DCDC2C: variants seen among roughly 807,000 people sequenced by gnomAD.
DCDC2C encodes doublecortin domain-containing protein 2C.
In DCDC2C, 44 loss-of-function variants were observed where a neutral mutation model predicts 45.0. That is an observed-to-expected ratio of 0.98 (90% CI 0.77 to 1.26). The LOEUF is 1.26. Ranked by LOEUF, DCDC2C falls within the 50% of genes most tolerant of loss-of-function variation. The probability of loss-of-function intolerance (pLI) is 0.00; values close to 1 mark genes in which losing one functional copy is unlikely to be tolerated. For synonymous variants in DCDC2C, 187 were observed against 178.8 expected (o/e 1.05, Z -0.37); for missense variants, 447 against 468.9 (o/e 0.95, Z 0.43).
At chr2:3,732,486 T>A (rs757420662) in intron 3 of DCDC2C, among the ~76,000 whole-genome samples, 9 of 152,160 alleles carry the variant, frequency 5.9e-5, no homozygotes, top group Non-Finnish European at 1.0e-4. Context: ...ACCTTGTAAT[T>A]TGACAGCAAT....
rs1004536359 is a variant in DCDC2C at position 3,752,898 on chromosome 2, A to G, written c.681A>G (p.Gln227=). 9 of 1,550,334 alleles carry G rather than the reference A, an allele frequency of 5.8e-6. No homozygotes were observed. The Admixed American group carries it at 7.8e-5, about 14-fold the overall frequency. ...WKSPRVPSEV[Q]QRYANVEKNS... ...CTCCAAGGGTGCCCAGTGAGGTCCA[A>G]CAGTGAGCATGCTTCGTACCTTTCT... Residue 227 remains glutamine (Q), a splice_region_variant and synonymous_variant, in exon 5 of 11, where the codon CAA becomes CAG. Coordinates refer to ENST00000399143, the MANE Select transcript of DCDC2C (RefSeq NM_001287444.2).
intron 3 of DCDC2C, among the ~76,000 whole-genome samples, chr2:3,740,339 T>A (rs1015728942): frequency 6.6e-6 from 1 of 152,240 alleles, no homozygotes; most frequent in African/African-American, 2.4e-5. Context: ...GTGGGATGAC[T>A]GGGTTAGTGG....
intron 10 of DCDC2C, among the ~76,000 whole-genome samples, chr2:3,817,091 A>T: frequency 6.6e-6 from 1 of 152,322 alleles, no homozygotes; most frequent in African/African-American, 2.4e-5. Flanking sequence ...GTGGGGAAGC[A>T]GGTGGGAGTG....
chr2:3,754,691 C>T, intron 6 of DCDC2C, 57 bp downstream of exon 6: 4 of 1,469,612 alleles, frequency 2.7e-6, no homozygotes, highest in Non-Finnish European at 3.7e-6. Context: ...CGTCTTCTGG[C>T]ATTAACAAGG....
intron 10 of DCDC2C, among the ~76,000 whole-genome samples, chr2:3,791,704 A>C (rs1670815370): frequency 6.6e-6 from 1 of 152,130 alleles, no homozygotes; most frequent in African/African-American, 2.4e-5. Flanking sequence ...ACACCTCTCC[A>C]GCACTGTGTT....
intron 3 of DCDC2C, among the ~76,000 whole-genome samples, chr2:3,739,317 C>T (rs574220242): frequency 3.8e-4 from 58 of 152,278 alleles, no homozygotes; most frequent in African/African-American, 1.1e-3. Context: ...CTGGCTAGGG[C>T]GCCACCCAAT....
At chr2:3,722,776 G>T (rs761957990) in intron 2 of DCDC2C, among the ~76,000 whole-genome samples, 1 of 152,082 alleles carries the variant, frequency 6.6e-6, no homozygotes, top group Non-Finnish European at 1.5e-5. Context: ...GTGATAGCAG[G>T]GTTAATGAAT....
chr2:3,772,602 C>T (rs1670206054), intron 8 of DCDC2C, among the ~76,000 whole-genome samples: 1 of 152,110 alleles, frequency 6.6e-6, no homozygotes, highest in Non-Finnish European at 1.5e-5. Flanking sequence ...TCATTGGGGG[C>T]GCTGGGTGTT....
intron 10 of DCDC2C, among the ~76,000 whole-genome samples, chr2:3,820,522 C>T (rs527700508): frequency 6.6e-5 from 10 of 152,248 alleles, no homozygotes; most frequent in Non-Finnish European, 1.0e-4. Flanking sequence ...CAGGCAGCCC[C>T]GTGGTGATCA....
intron 10 of DCDC2C, 29 bp from the exon 11 acceptor site, chr2:3,847,124 TC>T: frequency 8.1e-7 from 1 of 1,230,194 alleles, no homozygotes. Flanking sequence ...GAAGATGTTC[TC>T]TGTTAACCTG....
intron 10 of DCDC2C, among the ~76,000 whole-genome samples, chr2:3,817,830 T>C (rs12997704): frequency 0.15 from 23,404 of 152,106 alleles, 1,904 homozygotes; most frequent in East Asian, 0.29. Flanking sequence ...TTAGGATCTA[T>C]GGGGTCAGCT....
chr2:3,752,331 G>A (rs1003209760), intron 4 of DCDC2C, among the ~76,000 whole-genome samples: 4 of 152,144 alleles, frequency 2.6e-5, no homozygotes, highest in Non-Finnish European at 5.9e-5. Context: ...AAGGATTACT[G>A]AGTAAAAAGT....
chr2:3,770,733 A>C (rs1670140703), intron 8 of DCDC2C, among the ~76,000 whole-genome samples: 1 of 152,194 alleles, frequency 6.6e-6, no homozygotes, highest in Non-Finnish European at 1.5e-5. Context: ...ACAACTTTTC[A>C]ACACAGGCAG....
At chr2:3,788,400 C>T (rs1670710159) in intron 10 of DCDC2C, 1 of 152,088 alleles carries the variant, frequency 6.6e-6, no homozygotes, top group Non-Finnish European at 1.5e-5. Flanking sequence ...TATGTTTTTG[C>T]ACCATAGATT....
At chr2:3,760,199 G>A (rs1334605731) in intron 6 of DCDC2C, among the ~76,000 whole-genome samples, 3 of 152,202 alleles carry the variant, frequency 2.0e-5, no homozygotes, top group South Asian at 2.1e-4. Context: ...ACAGCTCTTC[G>A]CCTCTTAGTT....
At chr2:3,712,161 G>A (rs1354364699) in intron 2 of DCDC2C, among the ~76,000 whole-genome samples, 1 of 152,080 alleles carries the variant, frequency 6.6e-6, no homozygotes, top group African/African-American at 2.4e-5. Flanking sequence ...CAAGAACTCT[G>A]CTGTGCCTGG....
At chr2:3,729,145 G>T (rs186102174) in intron 3 of DCDC2C, among the ~76,000 whole-genome samples, 2 of 152,324 alleles carry the variant, frequency 1.3e-5, no homozygotes, top group South Asian at 2.1e-4. Context: ...AAGATCTTTT[G>T]TCGTTTATTT....
chr2:3,818,409 G>T lies in DCDC2C; in HGVS notation c.1066-28745G>T, dbSNP rs1203407472. On this transcript the variant is annotated intron_variant, in intron 10 of 10. Transcript: ENST00000399143. This position sits in a 1 kb window ranked among gnomAD's most constrained non-coding sequence, Gnocchi z 4.7. Reference sequence around the variant, plus strand: ...TGAACAGAATAATGGGTTATGGAGGGGTTGTGGAGGGAGGTATTGAGGATA... The same window carrying T: ...TGAACAGAATAATGGGTTATGGAGGTGTTGTGGAGGGAGGTATTGAGGATA... Among the ~76,000 whole-genome samples, 4 of 152,128 alleles carry T rather than the reference G, an allele frequency of 2.6e-5. No homozygotes were observed. The highest frequency in any genetic ancestry group is 4.2e-4 in the South Asian group (2 of 4,814).
At chr2:3,777,948 A>C (rs1449054541) in intron 8 of DCDC2C, among the ~76,000 whole-genome samples, 1 of 152,232 alleles carries the variant, frequency 6.6e-6, no homozygotes, top group Admixed American at 6.5e-5. Context: ...AGGAAGGTGC[A>C]TGAAGAGCCA....
Sources: gnomAD v4.1 joint callset for allele counts (sites outside exome capture counted in the v4.1 genomes callset) on GRCh38, gnomAD v4.1.1 for gene constraint, Gnocchi (gnomAD v3.1) non-coding constraint, MANE v1.5 for transcripts, NCBI Gene and HGNC (gene_info 2026-07-23, HGNC 2026-07-21) for gene names.